CCAR1: variants seen among roughly 807,000 people sequenced by gnomAD.
CCAR1 encodes the protein cell division cycle and apoptosis regulator protein 1.
CCAR1 carries 78 observed loss-of-function variants against 163.8 expected under a neutral mutation model. The ratio of observed to expected loss-of-function variants is 0.48; its 90% CI spans 0.40 to 0.57. The LOEUF (loss-of-function observed/expected upper bound fraction) is 0.57. Among genes scored for constraint, CCAR1 ranks in the 20% least tolerant of loss-of-function variants. CCAR1 has a pLI of 0.00. For missense variants in CCAR1, 1,019 were observed against 1,365.2 expected (o/e 0.75, Z 4.00); for synonymous variants, 443 against 460.7 (o/e 0.96, Z 0.49).
At chr10:68,777,871 G>A (rs1190473636) in intron 19 of CCAR1, among the ~76,000 whole-genome samples, 3 of 152,120 alleles carry the variant, frequency 2.0e-5, no homozygotes, top group Non-Finnish European at 2.9e-5. Context: ...GGCGGAGGTT[G>A]CAGTGAGCGA....
chr10:68,747,352 T>C, intron 7 of CCAR1, 22 bp from the exon 8 acceptor site: 1 of 1,604,224 alleles, frequency 6.2e-7, no homozygotes, highest in Non-Finnish European at 8.5e-7. Context: ...TTTTTTCTTA[T>C]TCTTTCATTT....
intron 5 of CCAR1, 108 bp downstream of exon 5, chr10:68,740,769 C>A (rs1288179002): frequency 7.3e-6 from 6 of 821,976 alleles, no homozygotes; most frequent in African/African-American, 1.7e-5. Flanking sequence ...GTTAGATTCA[C>A]CTAATAATTT....
chr10:68,786,962 G>A lies in CCAR1; in HGVS notation c.2880+270G>A, dbSNP rs2056801991. 1.6e-5 allele frequency: 4 copies of A among 253,542 alleles called. No individual in the cohort carries two copies. In the South Asian group the frequency reaches 1.6e-4, roughly 10 times the overall value. The allele number at this position is 253,542 out of a possible 1,614,324, so 15.7% of individuals were successfully genotyped here. ...TAGCTGGGTGTGGTGGCACACGCCT[G>A]TAATCCCAGCTACTCGGGAAGCTGA... On this transcript the variant is annotated intron_variant, in intron 21 of 24. Transcript: ENST00000265872.
At position 68,750,207 on chromosome 10, in the gene CCAR1, CTTTTTTCTTT is replaced by C. The variant is rs201509941; in HGVS notation, c.1118+529_1118+538del. Among the ~76,000 whole-genome samples, 309 of 116,474 alleles carry C rather than the reference CTTTTTTCTTT, an allele frequency of 2.7e-3. 1 individual carries two copies. Among genetic ancestry groups the C allele is most frequent in the Middle Eastern group, 4.2e-3 (1 of 240 alleles). The allele number at this position is 116,474 out of a possible 152,430, so 76.4% of individuals were successfully genotyped here. On this transcript the variant is annotated intron_variant, in intron 10 of 24. Transcript: ENST00000265872. ...ACAAATTACCAGAAATTTCTTTTTT[CTTTTTTCTTT>C]TTTTTTTTTTTTTTTTGAGATAGGG...
Position 68,788,160 on chromosome 10 carries a change from C to T in CCAR1, c.3019C>T (p.Pro1007Ser). The T allele has an allele frequency of 6.4e-7, 1 of 1,573,442 alleles. No individual in the cohort carries two copies. The highest frequency in any genetic ancestry group is 2.3e-5 in the East Asian group (1 of 44,336). The change falls in exon 23 of 25, where the codon CCA becomes TCA. Residue 1007 changes from proline to serine, a missense_variant. Coordinates refer to ENST00000265872, the MANE Select transcript of CCAR1 (RefSeq NM_018237.4). ...EDMLGNRLLLPTPTVKQESKD... is the reference protein window; with the variant it reads ...EDMLGNRLLLSTPTVKQESKD... The stretch of plus-strand genomic sequence containing the variant: ...TATTATAGGAAACAGATTATTACTT[C>T]CAACACCAACAGTAAAGCAGGAATC...
At chr10:68,788,368 C>T (rs1276967210) in intron 23 of CCAR1, 40 bp downstream of exon 23, 3 of 1,415,258 alleles carry the variant, frequency 2.1e-6, no homozygotes, top group South Asian at 3.1e-5. Context: ...TTTCAGCACC[C>T]TGCTGGGACA....
At chr10:68,747,614 A>T (rs536354817) in intron 8 of CCAR1, 48 bp downstream of exon 8, 1 of 1,513,374 alleles carries the variant, frequency 6.6e-7, no homozygotes. Flanking sequence ...TTAGTTGTTG[A>T]TAATGTAACT....
chr10:68,745,357 A>G (rs1180331799), intron 6 of CCAR1, among the ~76,000 whole-genome samples: 2 of 151,874 alleles, frequency 1.3e-5, no homozygotes, highest in African/African-American at 4.8e-5. Flanking sequence ...GCTGGGGTCC[A>G]GAAGTGCAGT....
At position 68,754,792 on chromosome 10, in the gene CCAR1, C is replaced by G; in HGVS notation, c.1423C>G (p.Arg475Gly). ...TCTTGCTGAGGACCCACAAGAACTT[C>G]GAGATGGATTCCAACATCCTGCTAG... is the stretch of plus-strand genomic sequence containing the variant. Reference protein sequence around the residue: ...CALAEDPQELRDGFQHPARLV... With the variant: ...CALAEDPQELGDGFQHPARLV... The change falls in exon 12 of 25, where the codon CGA becomes GGA. Residue 475 changes from arginine to glycine, a missense_variant. This residue lies in a region of CCAR1 where 644 missense variants were observed against 904.4 expected (regional missense o/e 0.71). Coordinates refer to ENST00000265872, the MANE Select transcript of CCAR1 (RefSeq NM_018237.4). The G allele has an allele frequency of 2.5e-6, 4 of 1,608,478 alleles. No homozygotes were observed. Among genetic ancestry groups the G allele is most frequent in the Non-Finnish European group, 3.4e-6 (4 of 1,174,986 alleles).
chr10:68,730,023 G>C (rs1332188851), intron 2 of CCAR1, among the ~76,000 whole-genome samples: 1 of 151,748 alleles, frequency 6.6e-6, no homozygotes, highest in African/African-American at 2.4e-5. Context: ...GTGTTCAAGC[G>C]ATTCTTCTGC....
intron 13 of CCAR1, 137 bp downstream of exon 13, chr10:68,755,673 T>A: frequency 1.6e-6 from 1 of 611,788 alleles, no homozygotes; most frequent in Non-Finnish European, 2.7e-6. Flanking sequence ...AAATCCCCAT[T>A]TGTAGCTAAA....
intron 9 of CCAR1, 42 bp from the exon 10 acceptor site, chr10:68,749,479 CATA>C (rs2056303211): frequency 1.3e-6 from 2 of 1,493,110 alleles, no homozygotes; most frequent in Non-Finnish European, 1.8e-6. Context: ...AGAGCTTTTC[CATA>C]ATATTAGAAA....
chr10:68,724,260 C>T (rs1041993613), intron 2 of CCAR1, among the ~76,000 whole-genome samples: 6 of 151,906 alleles, frequency 3.9e-5, no homozygotes, highest in Admixed American at 6.6e-5. Context: ...GTCAGGAGTT[C>T]GGAGACCAGC....
chr10:68,755,140 G>T, intron 12 of CCAR1: 2 of 722,774 alleles, frequency 2.8e-6, no homozygotes, highest in Non-Finnish European at 5.1e-6. Flanking sequence ...TTCTTTAAAA[G>T]AACTCTATCT....
chr10:68,722,876 C>T (rs1192129777), intron 2 of CCAR1, among the ~76,000 whole-genome samples: 1 of 151,788 alleles, frequency 6.6e-6, no homozygotes, highest in African/African-American at 2.4e-5. Context: ...TAGCTGAGAT[C>T]GCGCCACTGC....
At chr10:68,747,324 T>C in intron 7 of CCAR1, 49 bp downstream of exon 7, 1 of 1,593,806 alleles carries the variant, frequency 6.3e-7, no homozygotes, top group Non-Finnish European at 8.6e-7. Context: ...TAAATGAGTC[T>C]TCTAATTCAC....
At chr10:68,740,589 A>C (rs1415096139) in intron 4 of CCAR1, 40 bp from the exon 5 acceptor site, 1 of 1,570,104 alleles carries the variant, frequency 6.4e-7, no homozygotes, top group Non-Finnish European at 8.7e-7. Context: ...AACAATTCTG[A>C]TTGACCCTTT....
chr10:68,742,527 A>T lies in CCAR1; in HGVS notation c.476A>T (p.Asp159Val). ...VFTGVVTKLH[D>V]TFGFVDEDVF... ...ACAGGGGTGGTTACAAAACTACATG[A>T]TACGTTTGGATTTGTGGATGAAGAT... is the stretch of plus-strand genomic sequence containing the variant. The change falls in exon 6 of 25, where the codon GAT becomes GTT. Residue 159 changes from aspartate (D) to valine (V), a missense_variant. Asp to Val is a radical substitution (Grantham distance 152). This residue lies in a region of CCAR1 where 644 missense variants were observed against 904.4 expected (regional missense o/e 0.71). Transcript: ENST00000265872. 1.2e-6 allele frequency: 2 copies of T among 1,614,036 alleles called. No individual in the cohort carries two copies. Among genetic ancestry groups the T allele is most frequent in the Non-Finnish European group, 1.7e-6 (2 of 1,179,944 alleles).
At chr10:68,721,953 G>C (rs956229269) in intron 1 of CCAR1, among the ~76,000 whole-genome samples, 6 of 152,112 alleles carry the variant, frequency 3.9e-5, no homozygotes, top group Non-Finnish European at 8.8e-5. Flanking sequence ...AAGCCCCCTA[G>C]GTTCCTTTTC....
Sources: gnomAD v4.1 joint callset for allele counts (sites outside exome capture counted in the v4.1 genomes callset) on GRCh38, gnomAD v4.1.1 for gene constraint, gnomAD v4.1.1 regional missense constraint, MANE v1.5 for transcripts, NCBI Gene and HGNC (gene_info 2026-07-23, HGNC 2026-07-21) for gene names.